ABCA13: variants seen among roughly 807,000 people sequenced by gnomAD.
ABCA13 encodes the protein ATP-binding cassette sub-family A member 13.
In ABCA13, 476 loss-of-function variants were observed where a neutral mutation model predicts 478.7. That is an observed-to-expected ratio of 0.99 (90% CI 0.92 to 1.07). The LOEUF is 1.07. Ranked by LOEUF, ABCA13 falls within the 50% of genes least tolerant of loss-of-function variation. The pLI is 0.00. For missense variants in ABCA13, 6,060 were observed against 5,910.6 expected, an observed-to-expected ratio of 1.03 and a Z score of -0.83; for synonymous variants, 2,252 against 2,158.9, an observed-to-expected ratio of 1.04 and a Z score of -1.20.
intron 42 of ABCA13, among the ~76,000 whole-genome samples, chr7:48,430,546 G>A (rs1162104001): frequency 6.6e-6 from 1 of 151,942 alleles, no homozygotes; most frequent in African/African-American, 2.4e-5. Flanking sequence ...ATGGTGGCAG[G>A]TGCCTGTAAT....
intron 29 of ABCA13, among the ~76,000 whole-genome samples, chr7:48,341,430 G>T (rs957643235): frequency 2.6e-5 from 4 of 151,948 alleles, no homozygotes; most frequent in Non-Finnish European, 5.9e-5. Context: ...TTGTTTTGTT[G>T]TCATGTTTTG....
chr7:48,299,534 T>C (rs1799855679), intron 23 of ABCA13, among the ~76,000 whole-genome samples: 1 of 152,186 alleles, frequency 6.6e-6, no homozygotes, highest in African/African-American at 2.4e-5. Context: ...CTACCTCGCA[T>C]GATGCCTTAT....
intron 59 of ABCA13, among the ~76,000 whole-genome samples, chr7:48,620,409 A>C (rs1201170363): frequency 2.0e-5 from 3 of 152,132 alleles, no homozygotes; most frequent in Non-Finnish European, 4.4e-5. Flanking sequence ...CATGGTCTTA[A>C]CTTCGTTTCT....
chr7:48,553,984 G>A (rs10260178), intron 55 of ABCA13, among the ~76,000 whole-genome samples: 112,130 of 151,898 alleles, frequency 0.74, 42,517 homozygotes, highest in African/African-American at 0.91. Context: ...TCTTTCATTC[G>A]TTTGGTTTTA....
At chr7:48,330,056 TCCA>T (rs1244206115) in intron 27 of ABCA13, among the ~76,000 whole-genome samples, 9 of 151,546 alleles carry the variant, frequency 5.9e-5, no homozygotes, top group African/African-American at 2.2e-4. Flanking sequence ...CATCCATCCA[TCCA>T]TCCATCCATC....
chr7:48,524,875 A>G (rs1176938889), intron 54 of ABCA13, among the ~76,000 whole-genome samples: 1 of 152,206 alleles, frequency 6.6e-6, no homozygotes, highest in Non-Finnish European at 1.5e-5. Flanking sequence ...TAGCTCAGGA[A>G]TTTTTGTTCA....
chr7:48,288,534 G>A (rs1375531996), intron 20 of ABCA13, among the ~76,000 whole-genome samples: 1 of 152,148 alleles, frequency 6.6e-6, no homozygotes, highest in Non-Finnish European at 1.5e-5. Flanking sequence ...CTTGTGCTAA[G>A]TGCAGTTCTT....
chr7:48,305,579 G>A (rs747355186), intron 23 of ABCA13, among the ~76,000 whole-genome samples: 3 of 152,194 alleles, frequency 2.0e-5, no homozygotes, highest in Non-Finnish European at 2.9e-5. Context: ...CAACTGAGCT[G>A]AGGGCAGCCT....
chr7:48,346,492 A>C (rs1808124486), intron 29 of ABCA13, among the ~76,000 whole-genome samples: 1 of 151,948 alleles, frequency 6.6e-6, no homozygotes, highest in Non-Finnish European at 1.5e-5. Flanking sequence ...GAAATTTAAC[A>C]ATCTCCACTT....
chr7:48,538,790 A>C (rs531397705), intron 55 of ABCA13, among the ~76,000 whole-genome samples: 1 of 152,256 alleles, frequency 6.6e-6, no homozygotes, highest in African/African-American at 2.4e-5. Context: ...ATTCCTAGAC[A>C]CCATAGTTTA....
Position 48,179,929 on chromosome 7 carries a change from C to A in ABCA13, c.69+8377C>A, listed in dbSNP as rs147265549. 1.1e-3 allele frequency among the ~76,000 whole-genome samples: 164 copies of A among 152,276 alleles called. 3 individuals are homozygous for A. Among genetic ancestry groups the A allele is most frequent in the African/African-American group, 3.5e-3 (146 of 41,552 alleles). Reference sequence around the variant, plus strand: ...CCCACACTCCTGCGTGACAGAACTTCTTACTCCCATTTCACAGCTACAGAA... The same window carrying A: ...CCCACACTCCTGCGTGACAGAACTTATTACTCCCATTTCACAGCTACAGAA... On this transcript the variant is annotated intron_variant, in intron 1 of 61. Transcript: ENST00000435803.
intron 29 of ABCA13, among the ~76,000 whole-genome samples, chr7:48,340,065 C>T (rs1806891909): frequency 6.6e-6 from 1 of 152,068 alleles, no homozygotes; most frequent in Non-Finnish European, 1.5e-5. Flanking sequence ...GGAATATTTG[C>T]CCAATCATGC....
Position 48,275,500 on chromosome 7 carries a change from G to A in ABCA13, c.5834G>A (p.Ser1945Asn). ...GATAGCATCTCTGAACTCTGTCCTA[G>A]TGGTTCCATAAAGCAAGTTGCTTTG... ...TRDSISELCP[S>N]GSIKQVALQI... Residue 1945 changes from serine (S) to asparagine (N), a missense_variant, in exon 17 of 62, where the codon AGT becomes AAT. By Grantham distance (46) the Ser-to-Asn change is conservative (BLOSUM62 1). Coordinates refer to ENST00000435803, the MANE Select transcript of ABCA13 (RefSeq NM_152701.5). 6.2e-7 allele frequency: 1 copy of A among 1,613,824 alleles called. No individual in the cohort carries two copies. Among genetic ancestry groups the A allele is most frequent in the Non-Finnish European group, 8.5e-7 (1 of 1,179,832 alleles).
chr7:48,454,982 C>G, intron 42 of ABCA13, 55 bp from the exon 43 acceptor site: 1 of 1,435,736 alleles, frequency 7.0e-7, no homozygotes, highest in Non-Finnish European at 9.1e-7. Context: ...CGAGGCAAAG[C>G]GCTGTCACCT....
chr7:48,291,583 T>C (rs1333369036), intron 20 of ABCA13, among the ~76,000 whole-genome samples: 2 of 152,154 alleles, frequency 1.3e-5, no homozygotes, highest in Admixed American at 6.6e-5. Context: ...GATCCTGCCA[T>C]GCAATGTCCG....
At chr7:48,223,958 C>CA (rs1197606657) in intron 5 of ABCA13, among the ~76,000 whole-genome samples, 4,340 of 78,388 alleles carry the variant, frequency 0.055, 168 homozygotes, top group African/African-American at 0.098. Flanking sequence ...GACTCGGTCT[C>CA]AAAAAAAAAA....
intron 38 of ABCA13, among the ~76,000 whole-genome samples, chr7:48,392,897 G>T (rs1209680860): frequency 6.6e-6 from 1 of 152,196 alleles, no homozygotes; most frequent in Admixed American, 6.5e-5. Flanking sequence ...TCCCGGTAGG[G>T]TCACAAACAA....
chr7:48,471,844 T>C (rs1007003263), intron 45 of ABCA13, among the ~76,000 whole-genome samples: 3 of 152,322 alleles, frequency 2.0e-5, no homozygotes, highest in Non-Finnish European at 2.9e-5. Context: ...AACATTCCCC[T>C]GGCATTCATT....
intron 20 of ABCA13, among the ~76,000 whole-genome samples, chr7:48,292,712 C>T (rs895497501): frequency 6.6e-6 from 1 of 152,188 alleles, no homozygotes; most frequent in Middle Eastern, 3.2e-3. Context: ...GAGGGTTGTA[C>T]ACCTTCCTCT....
Sources: gnomAD v4.1 joint callset for allele counts (sites outside exome capture counted in the v4.1 genomes callset) on GRCh38, gnomAD v4.1.1 for gene constraint, MANE v1.5 for transcripts, NCBI Gene and HGNC (gene_info 2026-07-23, HGNC 2026-07-21) for gene names.